DST: variants seen among roughly 807,000 people sequenced by gnomAD.
DST encodes dystonin, also known as bullous pemphigoid antigen.
DST carries 253 observed loss-of-function variants against 875.2 expected under a neutral mutation model. The observed-to-expected ratio is 0.29, with a 90% CI of 0.26 to 0.32. The LOEUF is 0.32. Among genes scored for constraint, DST ranks in the 10% least tolerant of loss-of-function variants. The probability of loss-of-function intolerance (pLI) is 1.00; values close to 1 mark genes in which losing one functional copy is unlikely to be tolerated. For missense variants in DST, 8,287 were observed against 9,111.6 expected, an observed-to-expected ratio of 0.91 and a Z score of 3.68; for synonymous variants, 3,124 against 3,197.1, an observed-to-expected ratio of 0.98 and a Z score of 0.77.
rs2098407353 is a variant in DST, at chr6:56,597,977, G to A, written c.11958C>T (p.Ser3986=). 6.2e-7 allele frequency: 1 copy of A among 1,608,238 alleles called. No individual in the cohort carries two copies. The highest frequency in any genetic ancestry group is 1.3e-5 in the African/African-American group (1 of 74,748). ...KVAAVKQLEE[S]KTKIENLLDW... is the part of the protein sequence containing the mutation. ...CCAAAAGGTTTTCTATTTTGGTTTTGCTCTCTTCCAGCTGCTTCACTGCTG... is the reference window on the plus strand; with the variant it reads ...CCAAAAGGTTTTCTATTTTGGTTTTACTCTCTTCCAGCTGCTTCACTGCTG... The change falls in exon 47 of 104, where the codon AGC becomes AGT. Residue 3986 remains serine (S), a synonymous_variant. Coordinates refer to ENST00000680361, the MANE Select transcript of DST (RefSeq NM_001374736.1).
At chr6:56,647,106 TC>T (rs2098947353) in intron 13 of DST, among the ~76,000 whole-genome samples, 2 of 152,244 alleles carry the variant, frequency 1.3e-5, no homozygotes, top group Non-Finnish European at 2.9e-5. Context: ...CCAGTACAAT[TC>T]ATCCAAGGGT....
intron 4 of DST, among the ~76,000 whole-genome samples, chr6:56,838,073 T>C (rs1268213829): frequency 6.6e-6 from 1 of 152,042 alleles, no homozygotes; most frequent in Non-Finnish European, 1.5e-5. Flanking sequence ...ACAGAAGTCT[T>C]TCCTGTTTTT....
intron 54 of DST, 69 bp downstream of exon 54, chr6:56,569,781 GAAAACT>G (rs2097754128): frequency 8.0e-6 from 11 of 1,369,160 alleles, no homozygotes; most frequent in Middle Eastern, 1.9e-4. Context: ...TTAGATCAAA[GAAAACT>G]ACCATTAGTC....
intron 4 of DST, among the ~76,000 whole-genome samples, chr6:56,826,239 A>C (rs1282132356): frequency 6.6e-6 from 1 of 152,226 alleles, no homozygotes; most frequent in Admixed American, 6.5e-5. Context: ...TAAGTCTATA[A>C]ATTGTTTATG....
intron 2 of DST, among the ~76,000 whole-genome samples, chr6:56,932,534 G>A (rs1302763904): frequency 6.6e-6 from 1 of 152,082 alleles, no homozygotes; most frequent in Non-Finnish European, 1.5e-5. Context: ...AGAGAAGGAG[G>A]AGGGAAAACA....
Position 56,562,142 on chromosome 6 carries a change from A to T in DST, c.14064T>A (p.Asn4688Lys). 1 of 1,545,056 alleles carries T rather than the reference A, an allele frequency of 6.5e-7. No homozygotes were observed. The change falls in exon 56 of 104, where the codon AAT becomes AAA. Residue 4688 changes from asparagine to lysine, a missense_variant. Transcript: ENST00000680361. ...CAAATTAAAATTAATACTCACCTTT[A>T]TTTGCCCAAAATTCCTCAGTATTTG... is the stretch of plus-strand genomic sequence containing the variant. ...TATNTEEFWANKGLTSIKKDM... is the reference protein window; with the variant it reads ...TATNTEEFWAKKGLTSIKKDM...
intron 4 of DST, among the ~76,000 whole-genome samples, chr6:56,746,654 G>A (rs772890437): frequency 6.6e-6 from 1 of 152,132 alleles, no homozygotes; most frequent in Non-Finnish European, 1.5e-5. Context: ...AAGGAGAGAG[G>A]TTGGTAGATG....
intron 4 of DST, among the ~76,000 whole-genome samples, chr6:56,802,139 A>T (rs1018037265): frequency 1.3e-5 from 2 of 152,032 alleles, no homozygotes; most frequent in Non-Finnish European, 2.9e-5. Context: ...TTTTTCATTC[A>T]TCTATTTAAT....
In DST at chr6:56,548,377, T is replaced by A. The variant is rs1343084732; in HGVS notation, c.16608+3807A>T. Reference sequence around the variant, plus strand: ...ATTAAAGCATCAAGTCTCTTTGATTTTCATTGAAATTAAATCATGCAATAT... The same window carrying A: ...ATTAAAGCATCAAGTCTCTTTGATTATCATTGAAATTAAATCATGCAATAT... On this transcript the variant is annotated intron_variant, in intron 61 of 103. Transcript: ENST00000680361. 3.3e-5 allele frequency among the ~76,000 whole-genome samples: 5 copies of A among 152,200 alleles called. No individual in the cohort carries two copies. In the East Asian group the frequency reaches 9.6e-4, roughly 29 times the overall value.
rs74509371 is a variant in DST, at chr6:56,511,968, C to T, written c.18577-568G>A. Among the ~76,000 whole-genome samples, 525 of 152,030 alleles carry T rather than the reference C, an allele frequency of 3.5e-3. 7 individuals are homozygous for T. The highest frequency in any genetic ancestry group is 0.012 in the African/African-American group (477 of 41,464). ...ATAAGGAATGTTAGGGTGATGTAAG[C>T]CCACAAGGCATTGCATTTATATATG... On this transcript the variant is annotated intron_variant, in intron 72 of 103. Transcript: ENST00000680361.
At chr6:56,579,969 G>A (rs953037505) in intron 49 of DST, among the ~76,000 whole-genome samples, 1 of 152,146 alleles carries the variant, frequency 6.6e-6, no homozygotes, top group Admixed American at 6.5e-5. Context: ...ACAAAGCAGT[G>A]AGGACTACTG....
Position 56,602,991 on chromosome 6 carries a change from A to C in DST, c.11198T>G (p.Leu3733Arg), listed in dbSNP as rs530713555. The change falls in exon 43 of 104, where the codon CTT (leucine) becomes CGT (arginine). Residue 3733 changes from leucine (L) to arginine (R), a missense_variant. By Grantham distance (102) the Leu-to-Arg change is moderately radical (BLOSUM62 -2). This residue lies in a region of DST where 3,138 missense variants were observed against 3,116.6 expected (regional missense o/e 1.01). Transcript: ENST00000680361. ...TGATACCCAATCTGAGAATGACTTA[A>C]GTTTATGCAGAAATTCTTCATGGGA... ...AVSHEEFLHK[L>R]KSFSDWVSEK... 6 of 1,589,928 alleles carry C rather than the reference A, an allele frequency of 3.8e-6. No individual in the cohort carries two copies. In the African/African-American group the frequency reaches 8.2e-5, roughly 22 times the overall value.
At chr6:56,879,805 C>G (rs1170694565) in intron 3 of DST, among the ~76,000 whole-genome samples, 1 of 152,150 alleles carries the variant, frequency 6.6e-6, no homozygotes, top group Non-Finnish European at 1.5e-5. Flanking sequence ...CTCACTTGCC[C>G]AAAGGCACTG....
chr6:56,822,782 TA>T (rs1364713194), intron 4 of DST, among the ~76,000 whole-genome samples: 6 of 150,790 alleles, frequency 4.0e-5, no homozygotes, highest in Admixed American at 2.0e-4. Context: ...ACAGCCACTT[TA>T]AAAAAAAAGC....
chr6:56,734,074 A>C (rs1563924797), intron 5 of DST, among the ~76,000 whole-genome samples: 2 of 152,332 alleles, frequency 1.3e-5, no homozygotes, highest in South Asian at 4.1e-4. Flanking sequence ...CCTCTCCCAT[A>C]AAGTATGTGC....
At chr6:56,789,696 T>C (rs1405710625) in intron 4 of DST, among the ~76,000 whole-genome samples, 2 of 152,236 alleles carry the variant, frequency 1.3e-5, no homozygotes, top group Admixed American at 6.5e-5. Context: ...AGTGGAATCA[T>C]ACAATATTTG....
rs1368876114 is a variant in DST at position 56,553,012 on chromosome 6, T to C, written c.15780A>G (p.Gln5260=). The C allele has an allele frequency of 1.9e-6, 3 of 1,613,820 alleles. No individual in the cohort carries two copies. In the East Asian group the frequency reaches 6.7e-5, roughly 36 times the overall value. ...CCAGACAGAATTTCTTACTGTGAAG[T>C]TGTTCAGTGACCATGTCCACCTTCT... is the stretch of plus-strand genomic sequence containing the variant. ...LIQKVDMVTE[Q]LHSKKFCLEN... Residue 5260 remains glutamine (Q), a synonymous_variant, in exon 61 of 104, where the codon CAA becomes CAG. Transcript: ENST00000680361.
chr6:56,603,466 C>T (rs2098464549), intron 41 of DST, 46 bp from the exon 42 acceptor site: 1 of 1,596,918 alleles, frequency 6.3e-7, no homozygotes, highest in East Asian at 2.2e-5. Flanking sequence ...TAGTGAAAAA[C>T]CCAAATATAA....
rs2098492870 is a variant in DST, at chr6:56,605,977, C to T, written c.8651G>A (p.Ser2884Asn). The change falls in exon 40 of 104, where the codon AGT becomes AAT. Residue 2884 changes from serine to asparagine, a missense_variant. Ser to Asn is a conservative substitution (Grantham distance 46). Transcript: ENST00000680361. ...TTTTTCAGTAACTAAGTTATTTTCA[C>T]TAGGTGATGCTAGCTGTACAACATT... Reference protein sequence around the residue: ...RVNVVQLASPSENNLVTEKSN... With the variant: ...RVNVVQLASPNENNLVTEKSN... 2 of 1,612,642 alleles carry T rather than the reference C, an allele frequency of 1.2e-6. 1 individual carries two copies. Among genetic ancestry groups the T allele is most frequent in the Middle Eastern group, 3.3e-4 (2 of 6,056 alleles).
Sources: gnomAD v4.1 joint callset for allele counts (sites outside exome capture counted in the v4.1 genomes callset) on GRCh38, gnomAD v4.1.1 for gene constraint, gnomAD v4.1.1 regional missense constraint, MANE v1.5 for transcripts, NCBI Gene and HGNC (gene_info 2026-07-23, HGNC 2026-07-21) for gene names.